The following SIPA1L3 variants were observed in gnomAD, a reference collection of about 807,000 sequenced individuals.
SIPA1L3 encodes the protein signal induced proliferation associated 1 like 3.
A neutral mutation model predicts 150.1 loss-of-function variants in SIPA1L3; 59 were observed. The ratio of observed to expected loss-of-function variants is 0.39; its 90% CI spans 0.32 to 0.49. The LOEUF is 0.49. SIPA1L3 is among the 20% of genes least tolerant of loss of function. SIPA1L3 has a pLI of 0.86. For synonymous variants in SIPA1L3, 1,070 were observed against 1,077.6 expected (o/e 0.99, Z 0.14); for missense variants, 2,211 against 2,489.5 (o/e 0.89, Z 2.38).
At chr19:38,096,335 C>T (rs1160573858) in intron 4 of SIPA1L3, among the ~76,000 whole-genome samples, 9 of 152,058 alleles carry the variant, frequency 5.9e-5, no homozygotes, top group Non-Finnish European at 1.3e-4. Context: ...CTGCAACCTC[C>T]GCCTCCTGGG....
intron 1 of SIPA1L3, among the ~76,000 whole-genome samples, chr19:37,961,265 G>A (rs1165845513): frequency 2.7e-5 from 4 of 149,218 alleles, no homozygotes; most frequent in Non-Finnish European, 3.0e-5. Context: ...AGTTATCTTC[G>A]TACCTGGGCT....
intron 2 of SIPA1L3, among the ~76,000 whole-genome samples, chr19:38,029,988 G>A (rs750460072): frequency 6.6e-5 from 10 of 151,842 alleles, no homozygotes; most frequent in Non-Finnish European, 5.9e-5. Flanking sequence ...CCGAATAGCT[G>A]GGATTACAGG....
intron 2 of SIPA1L3, among the ~76,000 whole-genome samples, chr19:38,036,867 G>A (rs970849238): frequency 1.3e-5 from 2 of 152,146 alleles, no homozygotes; most frequent in African/African-American, 4.8e-5. Context: ...CTCACAGGCT[G>A]CAGAGACACC....
chr19:38,164,443 G>A lies in SIPA1L3; in HGVS notation c.3781-36G>A. 1 of 1,564,764 alleles carries A rather than the reference G, an allele frequency of 6.4e-7. No individual in the cohort carries two copies. On this transcript the variant is annotated intron_variant, in intron 14 of 21. Transcript: ENST00000222345. The surrounding 1 kb of genome is among the most constrained non-coding windows in gnomAD (Gnocchi z 4.1). ...GCAAGGGAAGATGCGCCCCTGCCCT[G>A]GAGTCTGGGAATGACACGCTTCTCT...
chr19:38,083,809 G>A (rs1432948847), intron 3 of SIPA1L3, among the ~76,000 whole-genome samples: 2 of 152,000 alleles, frequency 1.3e-5, no homozygotes, highest in Admixed American at 1.3e-4. Context: ...TGGCCAACAT[G>A]GTGAAACCGC....
intron 1 of SIPA1L3, among the ~76,000 whole-genome samples, chr19:37,926,300 C>T (rs988782756): frequency 2.0e-5 from 3 of 152,204 alleles, no homozygotes; most frequent in Non-Finnish European, 4.4e-5. Context: ...TACTTGTGGC[C>T]TCAAACCAGG....
At chr19:38,113,263 C>T (rs1970807633) in intron 8 of SIPA1L3, among the ~76,000 whole-genome samples, 1 of 151,820 alleles carries the variant, frequency 6.6e-6, no homozygotes, top group Admixed American at 6.6e-5. Flanking sequence ...TGACACCCTC[C>T]AGTGGTTCCT....
rs375802675 is a variant in SIPA1L3, at chr19:38,195,027, G to A, written c.4840+1247G>A. On this transcript the variant is annotated intron_variant, in intron 18 of 21. Transcript: ENST00000222345. Reference sequence around the variant, plus strand: ...GATCAAGCCACTGCACTCCAGCCTGGGTGACAGAGCCAGACTCCATCTCAA... The same window carrying A: ...GATCAAGCCACTGCACTCCAGCCTGAGTGACAGAGCCAGACTCCATCTCAA... 1.2e-3 allele frequency among the ~76,000 whole-genome samples: 177 copies of A among 152,082 alleles called. 1 individual carries two copies. Among genetic ancestry groups the A allele is most frequent in the African/African-American group, 4.3e-3 (177 of 41,500 alleles).
chr19:38,074,915 G>A (rs930353648), intron 2 of SIPA1L3, among the ~76,000 whole-genome samples: 2 of 152,126 alleles, frequency 1.3e-5, no homozygotes, highest in African/African-American at 2.4e-5. Flanking sequence ...AAAATTTTTT[G>A]TAGAGATGGG....
intron 1 of SIPA1L3, among the ~76,000 whole-genome samples, chr19:37,945,091 T>C (rs2046698147): frequency 6.6e-6 from 1 of 152,224 alleles, no homozygotes; most frequent in Non-Finnish European, 1.5e-5. Context: ...AAGCCTATTT[T>C]ATAGTAAAGT....
intron 1 of SIPA1L3, among the ~76,000 whole-genome samples, chr19:37,945,980 C>T (rs1366151305): frequency 1.3e-5 from 2 of 151,662 alleles, no homozygotes; most frequent in South Asian, 4.2e-4. Flanking sequence ...CATGGTGAAA[C>T]CCCGTCTCTA....
chr19:38,118,388 G>A (rs1343435427), intron 8 of SIPA1L3, among the ~76,000 whole-genome samples: 1 of 110,056 alleles, frequency 9.1e-6, no homozygotes, highest in Non-Finnish European at 2.0e-5. Flanking sequence ...TTGCGCCACT[G>A]CCCTGAGGGA....
chr19:37,955,663 A>T (rs1023216403), intron 1 of SIPA1L3, among the ~76,000 whole-genome samples: 1 of 152,202 alleles, frequency 6.6e-6, no homozygotes, highest in Non-Finnish European at 1.5e-5. Context: ...GTCACTTAGC[A>T]TAATGTTTCT....
chr19:38,176,706 T>A (rs552848542), intron 15 of SIPA1L3, among the ~76,000 whole-genome samples: 2 of 152,288 alleles, frequency 1.3e-5, no homozygotes, highest in Admixed American at 6.5e-5. Context: ...GCATGGAGGC[T>A]TACACCTGTA....
At chr19:38,097,578 C>T (rs148345833) in intron 4 of SIPA1L3, among the ~76,000 whole-genome samples, 350 of 151,996 alleles carry the variant, frequency 2.3e-3, no homozygotes, top group African/African-American at 7.7e-3. Flanking sequence ...TTTTTTTAGA[C>T]GGAGTTTCAC....
intron 4 of SIPA1L3, among the ~76,000 whole-genome samples, chr19:38,093,607 G>A (rs1257147165): frequency 6.6e-6 from 1 of 152,208 alleles, no homozygotes; most frequent in East Asian, 1.9e-4. Flanking sequence ...CACGGATGGG[G>A]TTCTGTCCTT....
chr19:37,919,867 T>C (rs1214295316), intron 1 of SIPA1L3, among the ~76,000 whole-genome samples: 1 of 151,800 alleles, frequency 6.6e-6, no homozygotes, highest in Non-Finnish European at 1.5e-5. Flanking sequence ...TGCGCCACCA[T>C]GCCTGGCTAA....
chr19:38,062,691 G>C (rs1170689343), intron 2 of SIPA1L3, among the ~76,000 whole-genome samples: 1 of 152,036 alleles, frequency 6.6e-6, no homozygotes, highest in Admixed American at 6.6e-5. Flanking sequence ...AGTGATCTCA[G>C]CGCACTGTAA....
At chr19:37,974,721 C>T (rs1395222648) in intron 1 of SIPA1L3, among the ~76,000 whole-genome samples, 1 of 152,130 alleles carries the variant, frequency 6.6e-6, no homozygotes, top group Non-Finnish European at 1.5e-5. Context: ...GTGATTGTGC[C>T]ATCCCAGCCT....
Sources: gnomAD v4.1 joint callset for allele counts (sites outside exome capture counted in the v4.1 genomes callset) on GRCh38, gnomAD v4.1.1 for gene constraint, Gnocchi (gnomAD v3.1) non-coding constraint, MANE v1.5 for transcripts, NCBI Gene and HGNC (gene_info 2026-07-23, HGNC 2026-07-21) for gene names.